ACTR3: variants seen among roughly 807,000 people sequenced by gnomAD.
ACTR3 encodes actin-related protein 3.
Under a neutral mutation model 56.8 loss-of-function variants are expected in ACTR3, and 12 were observed. The ratio of observed to expected loss-of-function variants is 0.21; its 90% CI spans 0.14 to 0.34. ACTR3 has a LOEUF of 0.34. Among genes scored for constraint, ACTR3 ranks in the 10% least tolerant of loss-of-function variants. The pLI, the probability that ACTR3 is intolerant of heterozygous loss-of-function variation, is 1.00. For synonymous variants in ACTR3, 162 were observed against 167.4 expected, an observed-to-expected ratio of 0.97 and a Z score of 0.25; for missense variants, 282 against 512.5, an observed-to-expected ratio of 0.55 and a Z score of 4.34.
chr2:113,957,142 C>T (rs1171770246), intron 11 of ACTR3, among the ~76,000 whole-genome samples: 1 of 152,162 alleles, frequency 6.6e-6, no homozygotes, highest in Non-Finnish European at 1.5e-5. Context: ...GGATTGGGGA[C>T]AGGAGTTAAT....
chr2:113,890,549 C>A, intron 1 of ACTR3: 1 of 1,377,590 alleles, frequency 7.3e-7, no homozygotes, highest in African/African-American at 1.5e-5. Flanking sequence ...ATTCAACCCC[C>A]AACCCTCCCA....
intron 8 of ACTR3, among the ~76,000 whole-genome samples, chr2:113,944,114 A>G (rs1679972290): frequency 1.3e-5 from 2 of 152,160 alleles, no homozygotes; most frequent in South Asian, 4.1e-4. Context: ...CCTTAGAAGT[A>G]CTTGGAGTTT....
intron 3 of ACTR3, among the ~76,000 whole-genome samples, chr2:113,920,713 A>G (rs961928794): frequency 6.6e-6 from 1 of 152,116 alleles, no homozygotes; most frequent in African/African-American, 2.4e-5. Context: ...CAATTTTTTT[A>G]GCTTTTGCAC....
At position 113,890,338 on chromosome 2, in the gene ACTR3, G is replaced by T. The variant is rs759585680; in HGVS notation, c.44+15G>T. The stretch of plus-strand genomic sequence containing the variant: ...TGTGGCACGGGGTAAGGGGGCTTAC[G>T]GGCGGGGGTGGGGAAACTGAGGCGG... On this transcript the variant is annotated intron_variant, in intron 1 of 11. Transcript: ENST00000263238. The T allele has an allele frequency of 4.2e-5, 63 of 1,505,168 alleles. No individual in the cohort carries two copies. The highest frequency in any genetic ancestry group is 2.0e-4 in the Middle Eastern group (1 of 5,074). The allele number at this position is 1,505,168 out of a possible 1,614,324, so 93.2% of individuals were successfully genotyped here.
intron 4 of ACTR3, among the ~76,000 whole-genome samples, chr2:113,929,584 C>T (rs966482288): frequency 1.3e-5 from 2 of 152,152 alleles, no homozygotes; most frequent in African/African-American, 4.8e-5. Flanking sequence ...TAGGGAAACT[C>T]ATGGGAACTT....
intron 10 of ACTR3, chr2:113,952,077 C>A: frequency 2.2e-6 from 1 of 461,530 alleles, no homozygotes; most frequent in East Asian, 3.7e-5. Context: ...TGTGGAAAGA[C>A]TTTTTTTTTA....
rs1680261813 is a variant in ACTR3 at position 113,958,357 on chromosome 2, C to G, written c.*902C>G. On this transcript the variant is annotated 3_prime_UTR_variant, in exon 12 of 12. Coordinates refer to ENST00000263238, the MANE Select transcript of ACTR3 (RefSeq NM_005721.5). ...CTTTAAAATCACAACAGTTAGCAAG[C>G]TGACTTTTGTAATGTGCTCAATACA... The G allele has an allele frequency of 6.6e-6, 1 of 152,492 alleles. No individual in the cohort carries two copies. The highest frequency in any genetic ancestry group is 6.6e-5 in the Admixed American group (1 of 15,252). 9.4% of individuals were successfully genotyped at this position (152,492 alleles called of 1,614,324 possible).
At chr2:113,938,991 C>T (rs567156135) in intron 6 of ACTR3, among the ~76,000 whole-genome samples, 3 of 151,988 alleles carry the variant, frequency 2.0e-5, no homozygotes, top group Non-Finnish European at 2.9e-5. Flanking sequence ...CTGCCCTACT[C>T]TGCCGATTGT....
chr2:113,928,482 C>T (rs910417610), intron 4 of ACTR3, among the ~76,000 whole-genome samples: 1 of 152,078 alleles, frequency 6.6e-6, no homozygotes, highest in African/African-American at 2.4e-5. Flanking sequence ...CATAAAATCA[C>T]CGGTCTGCAC....
At chr2:113,923,744 T>C (rs1442393883) in intron 3 of ACTR3, among the ~76,000 whole-genome samples, 1 of 151,966 alleles carries the variant, frequency 6.6e-6, no homozygotes, top group Admixed American at 6.6e-5. Context: ...TTTTTTTTTT[T>C]TTCTCTTCTC....
intron 7 of ACTR3, 88 bp downstream of exon 7, chr2:113,940,190 T>G: frequency 3.5e-6 from 4 of 1,131,220 alleles, no homozygotes; most frequent in Non-Finnish European, 3.8e-6. Flanking sequence ...AGAAGAAGAG[T>G]ACTTGAAATA....
chr2:113,923,480 C>T (rs1297402576), intron 3 of ACTR3, among the ~76,000 whole-genome samples: 12 of 151,972 alleles, frequency 7.9e-5, no homozygotes, highest in African/African-American at 2.7e-4. Context: ...GGACTACAGG[C>T]GCCCACCACC....
chr2:113,891,572 T>TTA lies in ACTR3; in HGVS notation c.44+1250_44+1251insAT, dbSNP rs1678898077. 2.1e-5 allele frequency among the ~76,000 whole-genome samples: 3 copies of TTA among 142,506 alleles called. No individual in the cohort carries two copies. The South Asian group carries it at 6.7e-4, about 32-fold the overall frequency. The allele number at this position is 142,506 out of a possible 152,430, so 93.5% of individuals were successfully genotyped here. A position where few individuals can be genotyped will look rare whatever the true frequency, so the allele number is the denominator to read the frequency against. On this transcript the variant is annotated intron_variant, in intron 1 of 11. Transcript: ENST00000263238. ...TCCAATTCCCAGAACACTCCCAGTT[T>TTA]TTTTTTTTTGAGGGGGAAGTCAGTA...
In ACTR3 at chr2:113,940,121, G is replaced by A. The variant is rs776409360; in HGVS notation, c.684+19G>A. The A allele has an allele frequency of 2.5e-6, 4 of 1,590,290 alleles. No individual in the cohort carries two copies. Among genetic ancestry groups the A allele is most frequent in the Non-Finnish European group, 3.4e-6 (4 of 1,171,770 alleles). On this transcript the variant is annotated intron_variant, in intron 7 of 11. Transcript: ENST00000263238. ...AGTAAAGGTAAAAAGTGTGATAGGA[G>A]TGTAATTTAGTTAAAAATTAAAATC...
chr2:113,906,306 C>T (rs2104587399), intron 1 of ACTR3, among the ~76,000 whole-genome samples: 1 of 152,146 alleles, frequency 6.6e-6, no homozygotes, highest in East Asian at 1.9e-4. Context: ...AATGTCATTA[C>T]AGGTTGATTG....
intron 11 of ACTR3, among the ~76,000 whole-genome samples, chr2:113,956,945 C>T (rs78177493): frequency 2.8e-4 from 42 of 152,282 alleles, no homozygotes; most frequent in African/African-American, 9.9e-4. Flanking sequence ...CTAGACATTT[C>T]TTAGAACTAG....
intron 4 of ACTR3, 141 bp from the exon 5 acceptor site, chr2:113,931,160 T>C: frequency 1.9e-6 from 1 of 513,040 alleles, no homozygotes; most frequent in Non-Finnish European, 3.4e-6. Context: ...TCCTTTGATC[T>C]CTGTGTCTGT....
chr2:113,914,355 G>C (rs558198118), intron 2 of ACTR3, among the ~76,000 whole-genome samples: 1 of 152,174 alleles, frequency 6.6e-6, no homozygotes, highest in African/African-American at 2.4e-5. Flanking sequence ...GCTCACGCCT[G>C]TAATCCCAGC....
At chr2:113,890,847 C>G in intron 1 of ACTR3, 1 of 960,926 alleles carries the variant, frequency 1.0e-6, no homozygotes. Flanking sequence ...AAGAATCGGA[C>G]TCTGAAAATG....
Sources: gnomAD v4.1 joint callset for allele counts (sites outside exome capture counted in the v4.1 genomes callset) on GRCh38, gnomAD v4.1.1 for gene constraint, MANE v1.5 for transcripts, NCBI Gene and HGNC (gene_info 2026-07-23, HGNC 2026-07-21) for gene names.